The following SUMF1 variants were observed in gnomAD, a reference collection of about 807,000 sequenced individuals.
SUMF1 encodes the protein sulfatase modifying factor 1, also known as formylglycine-generating enzyme.
A neutral mutation model predicts 47.6 loss-of-function variants in SUMF1; 48 were observed. The ratio of observed to expected loss-of-function variants is 1.01; its 90% CI spans 0.80 to 1.28. The LOEUF (loss-of-function observed/expected upper bound fraction) is 1.28, where lower values mean the gene tolerates loss of function less well. Among genes scored for constraint, SUMF1 ranks in the 50% most tolerant of loss-of-function variants. The pLI, the probability that SUMF1 is intolerant of heterozygous loss-of-function variation, is 0.00. For synonymous variants in SUMF1, 230 were observed against 192.1 expected (o/e 1.20, Z -1.63); for missense variants, 571 against 485.4 (o/e 1.18, Z -1.66).
intron 9 of SUMF1, among the ~76,000 whole-genome samples, chr3:4,061,695 CA>C (rs1357473201): frequency 5.3e-5 from 8 of 152,016 alleles, no homozygotes; most frequent in Admixed American, 6.6e-5. Context: ...AAGGGAGGTA[CA>C]GAAACAGTTG....
intron 1 of SUMF1, among the ~76,000 whole-genome samples, chr3:4,456,387 A>G (rs1374402350): frequency 6.6e-6 from 1 of 151,992 alleles, no homozygotes; most frequent in Non-Finnish European, 1.5e-5. Flanking sequence ...AGAAAGAAAG[A>G]AACAGCATCC....
intron 8 of SUMF1, among the ~76,000 whole-genome samples, chr3:4,112,886 C>G (rs1446072854): frequency 6.6e-6 from 1 of 152,078 alleles, no homozygotes; most frequent in Non-Finnish European, 1.5e-5. Flanking sequence ...GCTAGCTAGC[C>G]CACAGAATCT....
chr3:4,167,469 G>T (rs1033813808), intron 8 of SUMF1, among the ~76,000 whole-genome samples: 4 of 152,058 alleles, frequency 2.6e-5, no homozygotes, highest in Admixed American at 6.6e-5. Flanking sequence ...GGTGCTGATT[G>T]GTACATCTTA....
chr3:4,252,250 A>AT (rs1696819306), intron 8 of SUMF1, among the ~76,000 whole-genome samples: 1 of 152,170 alleles, frequency 6.6e-6, no homozygotes, highest in South Asian at 2.1e-4. Flanking sequence ...CATGAGCTAC[A>AT]TAAGTGTCAT....
chr3:4,188,858 A>T (rs750747075), intron 8 of SUMF1, among the ~76,000 whole-genome samples: 3 of 152,216 alleles, frequency 2.0e-5, no homozygotes, highest in African/African-American at 4.8e-5. Flanking sequence ...AAGGGCTATC[A>T]TAAGTGTTTT....
rs138853834 is a variant in SUMF1, at chr3:4,348,098, G to C, written c.1014+28232C>G. Reference sequence around the variant, plus strand: ...AATCAATACCATGAAAATGGCCATAGTGCCCAAAGTAATTTATAGATTCAA... The same window carrying C: ...AATCAATACCATGAAAATGGCCATACTGCCCAAAGTAATTTATAGATTCAA... On this transcript the variant is annotated intron_variant and NMD_transcript_variant, in intron 8 of 12. Coordinates refer to the SUMF1 transcript ENST00000448413. Among the ~76,000 whole-genome samples the C allele has an allele frequency of 4.8e-3, 733 of 152,260 alleles. 7 individuals carry two copies. Among genetic ancestry groups the C allele is most frequent in the African/African-American group, 0.017 (707 of 41,546 alleles).
At chr3:4,254,374 T>G (rs954305242) in intron 8 of SUMF1, among the ~76,000 whole-genome samples, 5 of 151,150 alleles carry the variant, frequency 3.3e-5, no homozygotes, top group African/African-American at 1.2e-4. Context: ...AAAAAAAATT[T>G]AGAAGAATGT....
intron 9 of SUMF1, among the ~76,000 whole-genome samples, chr3:4,049,077 G>T (rs531228395): frequency 6.6e-6 from 1 of 152,118 alleles, no homozygotes; most frequent in Non-Finnish European, 1.5e-5. Context: ...TCACAAAAGT[G>T]TATCAGTCAA....
intron 2 of SUMF1, among the ~76,000 whole-genome samples, chr3:4,449,608 T>C (rs547399779): frequency 6.6e-6 from 1 of 152,326 alleles, no homozygotes; most frequent in South Asian, 2.1e-4. Flanking sequence ...AACGTGACTG[T>C]TCTTGAAGGA....
At chr3:4,275,935 T>A (rs1697405342) in intron 8 of SUMF1, among the ~76,000 whole-genome samples, 1 of 152,156 alleles carries the variant, frequency 6.6e-6, no homozygotes, top group Non-Finnish European at 1.5e-5. Context: ...AAAACCTGGA[T>A]CATTAAAAAA....
intron 8 of SUMF1, among the ~76,000 whole-genome samples, chr3:4,246,248 C>T (rs1696667480): frequency 6.6e-6 from 1 of 152,150 alleles, no homozygotes; most frequent in Non-Finnish European, 1.5e-5. Flanking sequence ...TGCTTCTGCT[C>T]ACCCTCCGTG....
chr3:4,428,792 G>A (rs115478657), intron 3 of SUMF1, among the ~76,000 whole-genome samples: 40,704 of 151,918 alleles, frequency 0.27, 6,180 homozygotes, highest in Middle Eastern at 0.38. Context: ...TCAAATTAAT[G>A]TTCATTAAAA....
intron 8 of SUMF1, among the ~76,000 whole-genome samples, chr3:4,237,102 A>C (rs1193127799): frequency 6.6e-6 from 1 of 152,140 alleles, no homozygotes; most frequent in East Asian, 1.9e-4. Context: ...AAATAATATC[A>C]CATCATAGGG....
chr3:4,257,699 C>T lies in SUMF1; in HGVS notation c.1014+118631G>A, dbSNP rs1300601880. ...TGGCCATACTGCCCAAGGTAATTTA[C>T]AGATTCAATGCCATCCCCATCAAGC... On this transcript the variant is annotated intron_variant and NMD_transcript_variant, in intron 8 of 12. Coordinates refer to the SUMF1 transcript ENST00000448413. Among the ~76,000 whole-genome samples the T allele has an allele frequency of 1.1e-4, 17 of 150,228 alleles. No homozygotes were observed. The South Asian group carries it at 1.5e-3, about 13-fold the overall frequency.
intron 8 of SUMF1, among the ~76,000 whole-genome samples, chr3:4,254,300 C>T (rs895033966): frequency 9.3e-5 from 14 of 150,454 alleles, no homozygotes; most frequent in Admixed American, 4.0e-4. Flanking sequence ...AGGCTTCAGA[C>T]GATCAAATTA....
chr3:4,389,535 G>C (rs901161507), intron 7 of SUMF1, among the ~76,000 whole-genome samples: 3 of 152,112 alleles, frequency 2.0e-5, no homozygotes, highest in African/African-American at 7.2e-5. Flanking sequence ...CCATTATTTT[G>C]TGAAGGACTC....
At chr3:4,079,109 C>T (rs1344724840) in intron 8 of SUMF1, among the ~76,000 whole-genome samples, 2 of 152,104 alleles carry the variant, frequency 1.3e-5, no homozygotes, top group African/African-American at 4.8e-5. Flanking sequence ...TGAGCAATTT[C>T]ACCCATTTTA....
chr3:4,360,771 A>C (rs1309839164), downstream of SUMF1, among the ~76,000 whole-genome samples: 1 of 152,232 alleles, frequency 6.6e-6, no homozygotes, highest in African/African-American at 2.4e-5. Context: ...GAAATGGCTT[A>C]GGGGTTCTCA....
rs145941464 is a variant in SUMF1 at position 4,179,624 on chromosome 3, T to C, written c.1015-110879A>G. Among the ~76,000 whole-genome samples, 435 of 152,166 alleles carry C rather than the reference T, an allele frequency of 2.9e-3. 2 individuals are homozygous for C. The highest frequency in any genetic ancestry group is 9.3e-3 in the African/African-American group (386 of 41,506). The stretch of plus-strand genomic sequence containing the variant: ...AACCTAGGCAATACCATTCAGGACA[T>C]AGGCATGGGCAAGGACTTCATGACT... On this transcript the variant is annotated intron_variant and NMD_transcript_variant, in intron 8 of 12. Coordinates refer to the SUMF1 transcript ENST00000448413.
Sources: allele counts gnomAD v4.1 joint callset (sites outside exome capture counted in the v4.1 genomes callset), GRCh38; gene constraint gnomAD v4.1.1; transcripts MANE v1.5; gene names NCBI Gene and HGNC (gene_info 2026-07-23, HGNC 2026-07-21).